Variants in RPS6KC1 observed in about 807,000 individuals in gnomAD.
The protein encoded by RPS6KC1 is inactive ribosomal protein S6 kinase delta-1.
RPS6KC1 carries 54 observed loss-of-function variants against 103.8 expected under a neutral mutation model. That is an observed-to-expected ratio of 0.52 (90% CI 0.42 to 0.65). RPS6KC1 has a LOEUF of 0.65. Ranked by LOEUF, RPS6KC1 falls within the 30% of genes least tolerant of loss-of-function variation. RPS6KC1 has a pLI of 0.00. For synonymous variants in RPS6KC1, 439 were observed against 438.7 expected (o/e 1.00, Z -0.01); for missense variants, 1,151 against 1,253.8 (o/e 0.92, Z 1.24).
the RPS6KC1 span, among the ~76,000 whole-genome samples, chr1:213,838,622 G>C: frequency 6.6e-6 from 1 of 152,094 alleles, no homozygotes; most frequent in Admixed American, 6.5e-5. Context: ...TAAGCCATTG[G>C]TTAGTCAGGT....
chr1:213,189,912 T>C (rs2092688485), intron 8 of RPS6KC1, among the ~76,000 whole-genome samples: 1 of 152,212 alleles, frequency 6.6e-6, no homozygotes, highest in African/African-American at 2.4e-5. Flanking sequence ...AGTTTGTCTT[T>C]TTGTGCCTGA....
chr1:213,405,992 G>C, the RPS6KC1 span, among the ~76,000 whole-genome samples: 4 of 152,200 alleles, frequency 2.6e-5, no homozygotes, highest in African/African-American at 9.6e-5. Flanking sequence ...AGCATCCAGG[G>C]GGCCCGATGC....
At chr1:213,569,682 A>G in the RPS6KC1 span, among the ~76,000 whole-genome samples, 1 of 152,220 alleles carries the variant, frequency 6.6e-6, no homozygotes, top group African/African-American at 2.4e-5. Flanking sequence ...CCCTGAGGTA[A>G]TATAACAGCT....
chr1:213,704,595 T>C, the RPS6KC1 span, among the ~76,000 whole-genome samples: 1 of 152,192 alleles, frequency 6.6e-6, no homozygotes, highest in South Asian at 2.1e-4. Context: ...TGTTTGAAAG[T>C]TCACATATCT....
the RPS6KC1 span, among the ~76,000 whole-genome samples, chr1:213,505,927 G>T: frequency 6.6e-6 from 1 of 152,104 alleles, no homozygotes; most frequent in Non-Finnish European, 1.5e-5. Flanking sequence ...AAGGGAGAGA[G>T]AGTGAGAGAG....
At chr1:213,096,979 A>G (rs1443515358) in intron 3 of RPS6KC1, among the ~76,000 whole-genome samples, 1 of 152,186 alleles carries the variant, frequency 6.6e-6, no homozygotes, top group African/African-American at 2.4e-5. Context: ...ATGTTGTGTT[A>G]GCTGGCATGA....
In RPS6KC1 at chr1:213,260,365, A is replaced by G. The variant is rs550475780; in HGVS notation, c.2912-1193A>G. 1.2e-4 allele frequency among the ~76,000 whole-genome samples: 19 copies of G among 152,286 alleles called. No homozygotes were observed. In the South Asian group the frequency reaches 2.1e-3, roughly 17 times the overall value. Reference sequence around the variant, plus strand: ...CATATAGGCTGTTTGAACCTCAGAAAAAGGGATGTAGAAAAAGGTTGCTGA... The same window carrying G: ...CATATAGGCTGTTTGAACCTCAGAAGAAGGGATGTAGAAAAAGGTTGCTGA... On this transcript the variant is annotated intron_variant, in intron 12 of 14. Transcript: ENST00000366960.
chr1:213,543,380 C>A, the RPS6KC1 span, among the ~76,000 whole-genome samples: 1 of 152,166 alleles, frequency 6.6e-6, no homozygotes, highest in Non-Finnish European at 1.5e-5. Flanking sequence ...ATTTAAAACA[C>A]AGGAAGACAG....
At chr1:213,116,133 G>A (rs921945097) in intron 4 of RPS6KC1, among the ~76,000 whole-genome samples, 2 of 151,970 alleles carry the variant, frequency 1.3e-5, no homozygotes, top group African/African-American at 4.8e-5. Context: ...TCGTTGATCT[G>A]TCTAATGTTG....
the RPS6KC1 span, among the ~76,000 whole-genome samples, chr1:213,334,624 T>C: frequency 6.6e-6 from 1 of 152,164 alleles, no homozygotes; most frequent in South Asian, 2.1e-4. Flanking sequence ...TATGAAAACA[T>C]ATGCTCCTGT....
the RPS6KC1 span, among the ~76,000 whole-genome samples, chr1:213,782,017 T>C: frequency 5.3e-5 from 8 of 152,302 alleles, 1 homozygote; most frequent in East Asian, 1.9e-4. Context: ...GAACCACCCC[T>C]TTTCGAGGAG....
At chr1:213,544,133 A>T in the RPS6KC1 span, among the ~76,000 whole-genome samples, 1 of 152,206 alleles carries the variant, frequency 6.6e-6, no homozygotes, top group Non-Finnish European at 1.5e-5. Context: ...AAATGGAAAG[A>T]AACAGAGTAA....
the RPS6KC1 span, among the ~76,000 whole-genome samples, chr1:213,447,577 C>T: frequency 6.6e-6 from 1 of 152,198 alleles, no homozygotes; most frequent in Non-Finnish European, 1.5e-5. Context: ...CATTTCAAAT[C>T]CTCCATAACT....
At chr1:213,262,331 A>G (rs915951082) in intron 13 of RPS6KC1, among the ~76,000 whole-genome samples, 1 of 152,206 alleles carries the variant, frequency 6.6e-6, no homozygotes, top group African/African-American at 2.4e-5. Context: ...GTAAAGTGCT[A>G]TATATGTATG....
chr1:213,193,229 C>T (rs2092816100), intron 8 of RPS6KC1, among the ~76,000 whole-genome samples: 1 of 152,088 alleles, frequency 6.6e-6, no homozygotes, highest in South Asian at 2.1e-4. Flanking sequence ...GCCTATAACA[C>T]AGATTAAATT....
the RPS6KC1 span, among the ~76,000 whole-genome samples, chr1:213,583,794 C>G: frequency 7.6e-6 from 1 of 130,788 alleles, no homozygotes; most frequent in Non-Finnish European, 1.5e-5. Context: ...GCACTCCAGC[C>G]TGGGTGGCAG....
chr1:213,734,661 A>G, the RPS6KC1 span, among the ~76,000 whole-genome samples: 1 of 152,272 alleles, frequency 6.6e-6, no homozygotes, highest in African/African-American at 2.4e-5. Context: ...ATATTGTGGA[A>G]AAAAGATGGC....
chr1:213,389,614 C>T, the RPS6KC1 span, among the ~76,000 whole-genome samples: 18,465 of 152,276 alleles, frequency 0.12, 1,467 homozygotes, highest in Non-Finnish European at 0.18. Flanking sequence ...CCCCGAGGCC[C>T]GGGCTCCAGG....
chr1:213,133,675 A>G (rs951412069), intron 6 of RPS6KC1, among the ~76,000 whole-genome samples: 2 of 152,146 alleles, frequency 1.3e-5, no homozygotes, highest in Non-Finnish European at 2.9e-5. Context: ...TCCAGGTGCC[A>G]AAAGTACTGG....
Sources: allele counts gnomAD v4.1 joint callset (sites outside exome capture counted in the v4.1 genomes callset), GRCh38; gene constraint gnomAD v4.1.1; transcripts MANE v1.5; gene names NCBI Gene and HGNC (gene_info 2026-07-23, HGNC 2026-07-21).